Variants in SLC5A4 observed in about 807,000 individuals in gnomAD.
SLC5A4 encodes solute carrier family 5 member 4.
In SLC5A4, 55 loss-of-function variants were observed where a neutral mutation model predicts 70.3. The ratio of observed to expected loss-of-function variants is 0.78; its 90% confidence interval spans 0.63 to 0.98. The LOEUF (loss-of-function observed/expected upper bound fraction) is 0.98, where lower values mean the gene tolerates loss of function less well. SLC5A4 is among the 50% of genes least tolerant of loss of function. The probability of loss-of-function intolerance (pLI) is 0.00; values close to 1 mark genes in which losing one functional copy is unlikely to be tolerated. For synonymous variants in SLC5A4, 268 were observed against 305.7 expected (o/e 0.88, Z 1.29); for missense variants, 735 against 839.2 (o/e 0.88, Z 1.53).
chr22:32,306,322 A>G, the SLC5A4 span, among the ~76,000 whole-genome samples: 5 of 115,056 alleles, frequency 4.3e-5, no homozygotes, highest in African/African-American at 1.6e-4. Context: ...AAAATTAGCC[A>G]GGTGTGGTGG....
At chr22:32,274,262 G>C in the SLC5A4 span, among the ~76,000 whole-genome samples, 4 of 151,922 alleles carry the variant, frequency 2.6e-5, no homozygotes, top group Admixed American at 6.6e-5. Flanking sequence ...GGATGGTCTC[G>C]ATCTCCTGAC....
At chr22:32,223,071 C>T (rs1347687861) in intron 13 of SLC5A4, among the ~76,000 whole-genome samples, 1 of 152,050 alleles carries the variant, frequency 6.6e-6, no homozygotes, top group Non-Finnish European at 1.5e-5. Flanking sequence ...TTATTCTGCA[C>T]ATATTTTTCC....
chr22:32,299,401 C>A, the SLC5A4 span, among the ~76,000 whole-genome samples: 5 of 122,660 alleles, frequency 4.1e-5, 1 homozygote, highest in Non-Finnish European at 8.9e-5. Flanking sequence ...TCATTTCATT[C>A]ATTTCATCTT....
rs772754505 is a variant in SLC5A4, at chr22:32,231,064, A to G, written c.1033T>C (p.Cys345Arg). 7.4e-6 allele frequency: 12 copies of G among 1,611,438 alleles called. No homozygotes were observed. Among genetic ancestry groups the G allele is most frequent in the Non-Finnish European group, 1.0e-5 (12 of 1,177,552 alleles). Reference sequence around the variant, plus strand: ...TTCACGCATTCAGAAGGTACCACACATGCTACCATATCTGGGGAAGAATTC... The same window carrying G: ...TTCACGCATTCAGAAGGTACCACACGTGCTACCATATCTGGGGAAGAATTC... Reference protein sequence around the residue: ...SRILYTDMVACVVPSECVKHC... With the variant: ...SRILYTDMVARVVPSECVKHC... Residue 345 changes from cysteine (C) to arginine (R), a missense_variant, in exon 10 of 15, where the codon TGT becomes CGT. Coordinates refer to ENST00000266086, the MANE Select transcript of SLC5A4 (RefSeq NM_014227.3).
chr22:32,301,875 T>C, the SLC5A4 span, among the ~76,000 whole-genome samples: 2 of 151,598 alleles, frequency 1.3e-5, no homozygotes, highest in African/African-American at 4.8e-5. Context: ...TTATGGTCAG[T>C]TGGTTTTTGA....
Position 32,224,222 on chromosome 22 carries a change from G to T in SLC5A4, c.1665+45C>A, listed in dbSNP as rs777874492. On this transcript the variant is annotated intron_variant, in intron 13 of 14. Transcript: ENST00000266086. ...GGCGTGAGCCACTGCGCCCGGCCAA[G>T]AACTCTTATTTAAAATTAGCATGTA... is the stretch of plus-strand genomic sequence containing the variant. The T allele has an allele frequency of 1.9e-5, 28 of 1,486,886 alleles. No individual in the cohort carries two copies. In the Admixed American group the frequency reaches 4.4e-4, roughly 23 times the overall value. 92.1% of individuals were successfully genotyped at this position (1,486,886 alleles called of 1,614,324 possible).
At chr22:32,241,748 T>A (rs558382472) in intron 5 of SLC5A4, among the ~76,000 whole-genome samples, 2 of 151,634 alleles carry the variant, frequency 1.3e-5, no homozygotes, top group Non-Finnish European at 2.9e-5. Flanking sequence ...CATTATAGGA[T>A]TGAGCAAACA....
the SLC5A4 span, among the ~76,000 whole-genome samples, chr22:32,292,604 CTATATA>C: frequency 1.3e-5 from 2 of 150,590 alleles, no homozygotes; most frequent in Admixed American, 6.7e-5. Flanking sequence ...TAGAAAATTC[CTATATA>C]TATATATTTT....
intron 11 of SLC5A4, among the ~76,000 whole-genome samples, chr22:32,226,483 A>C (rs1467551394): frequency 6.6e-6 from 1 of 152,240 alleles, no homozygotes; most frequent in Non-Finnish European, 1.5e-5. Context: ...CTCTCTGCTC[A>C]CATGAAACAG....
chr22:32,351,737 T>C, the SLC5A4 span, among the ~76,000 whole-genome samples: 1 of 2,638 alleles, frequency 3.8e-4, no homozygotes, highest in Non-Finnish European at 6.5e-4. Flanking sequence ...GTGGGGGCGG[T>C]GGGGGGAGGG....
chr22:32,314,818 G>C, the SLC5A4 span, among the ~76,000 whole-genome samples: 1 of 150,786 alleles, frequency 6.6e-6, no homozygotes, highest in Admixed American at 6.7e-5. Context: ...GCAGGCAAAG[G>C]GACAGAGAGA....
the SLC5A4 span, among the ~76,000 whole-genome samples, chr22:32,281,838 G>A: frequency 6.6e-6 from 1 of 151,220 alleles, no homozygotes; most frequent in East Asian, 2.0e-4. Context: ...CCTGCCCTCC[G>A]CTTTCATGTT....
the SLC5A4 span, among the ~76,000 whole-genome samples, chr22:32,280,995 A>T: frequency 6.6e-6 from 1 of 152,196 alleles, no homozygotes; most frequent in African/African-American, 2.4e-5. Flanking sequence ...TAGAAAACAA[A>T]AGGTGGCAGC....
rs140177779 is a variant in SLC5A4 at position 32,235,085 on chromosome 22, C to T, written c.673G>A (p.Glu225Lys). 9.9e-6 allele frequency: 16 copies of T among 1,611,360 alleles called. No individual in the cohort carries two copies. The African/African-American group carries it at 1.3e-4, about 13-fold the overall frequency. ...SFILMGFAFNEVGGYESFTEK... is the reference protein window; with the variant it reads ...SFILMGFAFNKVGGYESFTEK... ...GTAAAGCTCTCATAACCTCCAACTT[C>T]GTTAAATGCTAAAAAGGCATCAGAG... Residue 225 changes from glutamate to lysine, a missense_variant, in exon 8 of 15, where the codon GAA becomes AAA. Coordinates refer to ENST00000266086, the MANE Select transcript of SLC5A4 (RefSeq NM_014227.3).
chr22:32,255,383 CTGGGTTAATGATCAGCCTCAGGCAGG>C, upstream of SLC5A4: 1 of 1,592,818 alleles, frequency 6.3e-7, no homozygotes, highest in Non-Finnish European at 8.6e-7. Context: ...TATATAAGTT[CTGGGTTAATGATCAGCCTCAGGCAGG>C]TGGGGCGAGA....
At chr22:32,300,776 C>G in the SLC5A4 span, among the ~76,000 whole-genome samples, 2 of 152,174 alleles carry the variant, frequency 1.3e-5, no homozygotes, top group African/African-American at 2.4e-5. Flanking sequence ...TATGAATGTA[C>G]TACAATTTGT....
chr22:32,337,459 CGGAGGT>C, the SLC5A4 span, among the ~76,000 whole-genome samples: 2 of 151,954 alleles, frequency 1.3e-5, no homozygotes, highest in Non-Finnish European at 2.9e-5. Context: ...GCTTGAACCC[CGGAGGT>C]GGAGGTTGCA....
At chr22:32,233,159 T>C (rs1266912924) in intron 8 of SLC5A4, 125 bp from the exon 9 acceptor site, 3 of 972,424 alleles carry the variant, frequency 3.1e-6, no homozygotes, top group Non-Finnish European at 4.5e-6. Context: ...CAAAGAGCTA[T>C]CTGCACTCCT....
At chr22:32,236,503 A>T (rs146562144) in intron 7 of SLC5A4, among the ~76,000 whole-genome samples, 1 of 152,204 alleles carries the variant, frequency 6.6e-6, no homozygotes, top group African/African-American at 2.4e-5. Context: ...TGTGTATTCT[A>T]TGTGTATGAT....
Sources: allele counts gnomAD v4.1 joint callset (sites outside exome capture counted in the v4.1 genomes callset), GRCh38; gene constraint gnomAD v4.1.1; transcripts MANE v1.5; gene names NCBI Gene and HGNC (gene_info 2026-07-23, HGNC 2026-07-21).